The following CREB3L2 variants were observed in gnomAD, a reference collection of about 807,000 sequenced individuals.
CREB3L2 encodes cyclic AMP-responsive element-binding protein 3-like protein 2.
In CREB3L2, 23 loss-of-function variants were observed where a neutral mutation model predicts 57.2. The ratio of observed to expected loss-of-function variants is 0.40; its 90% CI spans 0.29 to 0.57. CREB3L2 has a LOEUF of 0.57. Ranked by LOEUF, CREB3L2 falls within the 20% of genes least tolerant of loss-of-function variation. CREB3L2 has a pLI of 0.42. For synonymous variants in CREB3L2, 268 were observed against 265.1 expected (o/e 1.01, Z -0.11); for missense variants, 628 against 634.7 (o/e 0.99, Z 0.11).
intron 2 of CREB3L2, among the ~76,000 whole-genome samples, chr7:137,918,563 G>A (rs1800202431): frequency 6.6e-6 from 1 of 152,058 alleles, no homozygotes; most frequent in Non-Finnish European, 1.5e-5. Context: ...GAAGAAAGAC[G>A]GTAGGATGAA....
chr7:137,978,790 T>A (rs765657726), intron 1 of CREB3L2, among the ~76,000 whole-genome samples: 1 of 152,020 alleles, frequency 6.6e-6, no homozygotes, highest in Non-Finnish European at 1.5e-5. Context: ...TTCTTCCAAC[T>A]CCTAGCCCAC....
At chr7:137,962,635 C>T (rs1801344755) in intron 1 of CREB3L2, among the ~76,000 whole-genome samples, 1 of 152,004 alleles carries the variant, frequency 6.6e-6, no homozygotes, top group African/African-American at 2.4e-5. Context: ...CCAGTCAGAG[C>T]CTCCCACCCC....
Position 137,912,981 on chromosome 7 carries a change from G to A in CREB3L2, c.583+10C>T, listed in dbSNP as rs368905819. The stretch of plus-strand genomic sequence containing the variant: ...CATAACCCAAAGGGACACAGGGAGG[G>A]CAGACAGACCTTCTTTAGGAGAGAA... On this transcript the variant is annotated intron_variant, in intron 4 of 11. Coordinates refer to ENST00000330387, the MANE Select transcript of CREB3L2 (RefSeq NM_194071.4). 2 of 1,613,314 alleles carry A rather than the reference G, an allele frequency of 1.2e-6. No homozygotes were observed. Among genetic ancestry groups the A allele is most frequent in the East Asian group, 2.2e-5 (1 of 44,880 alleles).
chr7:137,908,509 A>C, intron 4 of CREB3L2, 73 bp from the exon 5 acceptor site: 2 of 1,147,844 alleles, frequency 1.7e-6, no homozygotes, highest in Non-Finnish European at 2.2e-6. Flanking sequence ...TGGCATAGCA[A>C]ACTAAAGTGT....
At chr7:137,959,642 C>T (rs528789003) in intron 1 of CREB3L2, among the ~76,000 whole-genome samples, 1 of 152,272 alleles carries the variant, frequency 6.6e-6, no homozygotes, top group African/African-American at 2.4e-5. Context: ...GAAGACATGA[C>T]CATATGTTGA....
At chr7:137,905,998 G>T in intron 5 of CREB3L2, 150 bp from the exon 6 acceptor site, 1 of 684,864 alleles carries the variant, frequency 1.5e-6, no homozygotes, top group East Asian at 2.8e-5. Flanking sequence ...TGACAGATGG[G>T]TATTTTGAAG....
chr7:137,884,588 A>T (rs183237222), intron 10 of CREB3L2: 3 of 416,598 alleles, frequency 7.2e-6, no homozygotes, highest in African/African-American at 6.0e-5. Flanking sequence ...ACAAGCCCTT[A>T]CTATATACAT....
chr7:137,908,472 G>A, intron 4 of CREB3L2, 36 bp from the exon 5 acceptor site: 1 of 1,245,012 alleles, frequency 8.0e-7, no homozygotes, highest in East Asian at 3.2e-5. Context: ...CCATCCCAGA[G>A]CCACAAAGCA....
chr7:137,972,718 TATATATATATATATATATAGAGAG>T (rs1801534559), intron 1 of CREB3L2, among the ~76,000 whole-genome samples: 1 of 29,840 alleles, frequency 3.4e-5, no homozygotes, highest in African/African-American at 1.3e-4. Flanking sequence ...AAAAAATATA[TATATATATATATATATATAGAGAG>T]AGAGAGAGAG....
chr7:137,922,412 A>ATATATATACT (rs1267015189), intron 2 of CREB3L2, among the ~76,000 whole-genome samples: 1 of 29,466 alleles, frequency 3.4e-5, no homozygotes, highest in African/African-American at 1.1e-4. Flanking sequence ...ATATATATAT[A>ATATATATACT]TATGTATATA....
intron 1 of CREB3L2, among the ~76,000 whole-genome samples, chr7:137,973,537 CAA>C (rs1283354497): frequency 6.6e-6 from 1 of 152,136 alleles, no homozygotes; most frequent in Non-Finnish European, 1.5e-5. Context: ...AAAAAGGTAA[CAA>C]GAGATATCCT....
chr7:137,995,310 A>ATTTCTTTT (rs1248336698), intron 1 of CREB3L2, among the ~76,000 whole-genome samples: 1 of 84,684 alleles, frequency 1.2e-5, no homozygotes, highest in Non-Finnish European at 2.6e-5. Context: ...AAGGAGCTCT[A>ATTTCTTTT]TTTCTTTTTT....
chr7:137,958,397 G>C (rs546159788), intron 1 of CREB3L2, among the ~76,000 whole-genome samples: 1 of 152,216 alleles, frequency 6.6e-6, no homozygotes, highest in South Asian at 2.1e-4. Flanking sequence ...AGGCACAGTG[G>C]TTCACACCTA....
chr7:137,882,756 G>T, intron 10 of CREB3L2, 128 bp from the exon 11 acceptor site: 1 of 588,530 alleles, frequency 1.7e-6, no homozygotes, highest in Non-Finnish European at 2.8e-6. Context: ...AGAACCATGG[G>T]TGCCAACAGA....
rs1430474394 is a variant in CREB3L2, at chr7:137,876,277, T to A, written c.*4199A>T. On this transcript the variant is annotated 3_prime_UTR_variant, in exon 12 of 12. Transcript: ENST00000330387. ...GAGGGATTCCTCAGTCATCCTGGAT[T>A]TACCTATAAGGCACATTTAAGGCAC... 4.3e-6 allele frequency: 1 copy of A among 232,318 alleles called. No individual in the cohort carries two copies. The highest frequency in any genetic ancestry group is 8.5e-6 in the Non-Finnish European group (1 of 117,748). The allele number at this position is 232,318 out of a possible 1,614,324, so 14.4% of individuals were successfully genotyped here.
chr7:137,971,431 C>G (rs1281886740), intron 1 of CREB3L2, among the ~76,000 whole-genome samples: 1 of 145,748 alleles, frequency 6.9e-6, no homozygotes, highest in Non-Finnish European at 1.5e-5. Flanking sequence ...GCCTGGGCAT[C>G]AGAGCGAGAC....
chr7:137,908,491 C>T, intron 4 of CREB3L2, 55 bp from the exon 5 acceptor site: 1 of 1,219,532 alleles, frequency 8.2e-7, no homozygotes, highest in East Asian at 3.2e-5. Context: ...CAGGACACAA[C>T]TGATTTGTGG....
At chr7:137,903,095 G>A (rs1470034527) in intron 7 of CREB3L2, among the ~76,000 whole-genome samples, 2 of 152,148 alleles carry the variant, frequency 1.3e-5, no homozygotes, top group Admixed American at 6.5e-5. Flanking sequence ...TTATAAGAGT[G>A]AGCCATCACA....
Position 137,905,458 on chromosome 7 carries a change from G to A in CREB3L2, c.915+244C>T, listed in dbSNP as rs192016327. Among the ~76,000 whole-genome samples, 10 of 151,174 alleles carry A rather than the reference G, an allele frequency of 6.6e-5. No individual in the cohort carries two copies. In the East Asian group the frequency reaches 7.8e-4, roughly 12 times the overall value. On this transcript the variant is annotated intron_variant, in intron 6 of 11. Coordinates refer to ENST00000330387, the MANE Select transcript of CREB3L2 (RefSeq NM_194071.4). ...TCCTCCCACCCGTAAATGTATCATC[G>A]TGGGCACCAAAGAGGTAGATACTGA... is the stretch of plus-strand genomic sequence containing the variant.
Sources: gnomAD v4.1 joint callset for allele counts (sites outside exome capture counted in the v4.1 genomes callset) on GRCh38, gnomAD v4.1.1 for gene constraint, MANE v1.5 for transcripts, NCBI Gene and HGNC (gene_info 2026-07-23, HGNC 2026-07-21) for gene names.